The following EXT1 variants were observed in gnomAD, a reference collection of about 807,000 sequenced individuals.
The protein encoded by EXT1 is exostosin-1.
Under a neutral mutation model 82.5 loss-of-function variants are expected in EXT1, and 20 were observed. The ratio of observed to expected loss-of-function variants is 0.24; its 90% CI spans 0.17 to 0.35. The LOEUF is 0.35. EXT1 is among the 10% of genes least tolerant of loss of function. EXT1 has a pLI of 1.00. For missense variants in EXT1, 757 were observed against 936.5 expected, an observed-to-expected ratio of 0.81 and a Z score of 2.50; for synonymous variants, 348 against 350.8, an observed-to-expected ratio of 0.99 and a Z score of 0.09.
At chr8:117,963,154 T>C (rs1368832762) in intron 1 of EXT1, among the ~76,000 whole-genome samples, 1 of 152,116 alleles carries the variant, frequency 6.6e-6, no homozygotes, top group Non-Finnish European at 1.5e-5. Context: ...AGGTGTTGAG[T>C]TTCAGGTTAA....
chr8:117,799,551 T>C lies in EXT1; in HGVS notation c.*161A>G, dbSNP rs1452253381. 9.3e-6 allele frequency: 7 copies of C among 754,908 alleles called. No homozygotes were observed. The highest frequency in any genetic ancestry group is 2.5e-5 in the Admixed American group (1 of 40,366). The allele number at this position is 754,908 out of a possible 1,614,324, so 46.8% of individuals were successfully genotyped here. A position where few individuals can be genotyped will look rare whatever the true frequency, so the allele number is the denominator to read the frequency against. On this transcript the variant is annotated 3_prime_UTR_variant, in exon 11 of 11. Transcript: ENST00000378204. ...CTGGTGCAGTCCCAGGAGCCAGGAG[T>C]TGAGTTCTCATTGGCCTTTTTTTTT...
At chr8:117,906,071 T>A (rs1304368380) in intron 1 of EXT1, among the ~76,000 whole-genome samples, 2 of 152,210 alleles carry the variant, frequency 1.3e-5, no homozygotes, top group African/African-American at 2.4e-5. Flanking sequence ...TGCTTCCTCA[T>A]TCTTTAGTAT....
intron 1 of EXT1, among the ~76,000 whole-genome samples, chr8:117,928,097 C>A (rs1813985484): frequency 1.3e-5 from 2 of 152,180 alleles, no homozygotes; most frequent in Admixed American, 1.3e-4. Flanking sequence ...GGATGGCATA[C>A]CCTTTATCAT....
intron 1 of EXT1, among the ~76,000 whole-genome samples, chr8:118,054,246 G>C (rs1026273608): frequency 6.6e-6 from 1 of 152,176 alleles, no homozygotes; most frequent in African/African-American, 2.4e-5. Flanking sequence ...TAGCTAGGAA[G>C]CCATCTTTCC....
intron 1 of EXT1, among the ~76,000 whole-genome samples, chr8:118,053,135 T>G (rs1816744595): frequency 6.6e-6 from 1 of 152,190 alleles, no homozygotes; most frequent in African/African-American, 2.4e-5. Context: ...TAAAATAATC[T>G]GTTGTAAAAG....
intron 1 of EXT1, among the ~76,000 whole-genome samples, chr8:117,958,553 T>G (rs990484112): frequency 7.2e-5 from 11 of 152,190 alleles, no homozygotes; most frequent in African/African-American, 2.7e-4. Flanking sequence ...GAATCACATC[T>G]AAACTAAAAA....
chr8:118,030,344 A>G (rs74873175), intron 1 of EXT1, among the ~76,000 whole-genome samples: 3,666 of 152,316 alleles, frequency 0.024, 124 homozygotes, highest in African/African-American at 0.084. Context: ...TGACAAATAA[A>G]TAACAGTATT....
chr8:117,798,699 C>T lies in EXT1; in HGVS notation c.*1013G>A, dbSNP rs1052162218. ...TTGGTGTGAATTTCTACCTTATTAC[C>T]CCTTTTTCTTTCTCAAAAGAGAAAC... On this transcript the variant is annotated 3_prime_UTR_variant, in exon 11 of 11. Transcript: ENST00000378204. 1 of 152,116 alleles carries T rather than the reference C, an allele frequency of 6.6e-6. No homozygotes were observed. Among genetic ancestry groups the T allele is most frequent in the Non-Finnish European group, 1.5e-5 (1 of 68,032 alleles). 9.4% of individuals were successfully genotyped at this position (152,116 alleles called of 1,614,324 possible).
rs1812630481 is a variant in EXT1, at chr8:117,858,859, A to AGGAAGGAT, written c.963-21659_963-21658insATCCTTCC. ...AAGGAAGGAAGGAAAGAAAGAAAGA[A>AGGAAGGAT]AGAAAGAAAGAAAGAAAGAAAGAAA... is the stretch of plus-strand genomic sequence containing the variant. On this transcript the variant is annotated intron_variant, in intron 1 of 10. Coordinates refer to ENST00000378204, the MANE Select transcript of EXT1 (RefSeq NM_000127.3). Among the ~76,000 whole-genome samples the AGGAAGGAT allele has an allele frequency of 4.8e-5, 3 of 61,958 alleles. No individual in the cohort carries two copies. In the South Asian group the frequency reaches 1.6e-3, roughly 33 times the overall value. 40.6% of individuals were successfully genotyped at this position (61,958 alleles called of 152,430 possible).
chr8:117,998,359 G>C (rs926179661), intron 1 of EXT1, among the ~76,000 whole-genome samples: 1 of 152,074 alleles, frequency 6.6e-6, no homozygotes, highest in African/African-American at 2.4e-5. Context: ...ACCCAGGCTG[G>C]AGTACAGTGG....
chr8:118,041,461 T>A (rs1586359349), intron 1 of EXT1, among the ~76,000 whole-genome samples: 2 of 151,754 alleles, frequency 1.3e-5, no homozygotes, highest in Non-Finnish European at 2.9e-5. Flanking sequence ...ACAATAGGAG[T>A]AGGGATAATA....
At chr8:117,839,610 C>G (rs1812242320) in intron 1 of EXT1, among the ~76,000 whole-genome samples, 1 of 152,204 alleles carries the variant, frequency 6.6e-6, no homozygotes, top group Admixed American at 6.5e-5. Context: ...GAACCAGCCT[C>G]TCTATTCTAC....
chr8:118,087,078 G>T lies in EXT1; in HGVS notation c.962+23007C>A, dbSNP rs150641961. Among the ~76,000 whole-genome samples, 575 of 152,178 alleles carry T rather than the reference G, an allele frequency of 3.8e-3. 5 individuals carry two copies. The highest frequency in any genetic ancestry group is 0.017 in the Middle Eastern group (5 of 294). On this transcript the variant is annotated intron_variant, in intron 1 of 10. Coordinates refer to ENST00000378204, the MANE Select transcript of EXT1 (RefSeq NM_000127.3). Reference sequence around the variant, plus strand: ...ACACACAACTTCAGAGGATGAATTCGCCACTTCAAGGCTCGTGCCCAGCGC... The same window carrying T: ...ACACACAACTTCAGAGGATGAATTCTCCACTTCAAGGCTCGTGCCCAGCGC...
intron 1 of EXT1, among the ~76,000 whole-genome samples, chr8:117,973,799 GAGAAAGGAAAGGAAAGGAAA>G (rs1814996902): frequency 2.0e-5 from 2 of 98,966 alleles, no homozygotes; most frequent in South Asian, 6.2e-4. Flanking sequence ...GAAAAGAAAA[GAGAAAGGAAAGGAAAGGAAA>G]GGAAAGGAAA....
At chr8:118,054,227 G>GC (rs1388407234) in intron 1 of EXT1, among the ~76,000 whole-genome samples, 1 of 152,082 alleles carries the variant, frequency 6.6e-6, no homozygotes, top group Non-Finnish European at 1.5e-5. Context: ...GAGTATTTGT[G>GC]CCCCAAACTA....
At chr8:117,883,930 G>A (rs1026849434) in intron 1 of EXT1, among the ~76,000 whole-genome samples, 1 of 152,210 alleles carries the variant, frequency 6.6e-6, no homozygotes. Flanking sequence ...AAGGTGCAAA[G>A]TGACTTCTGC....
Position 117,886,567 on chromosome 8 carries a change from G to A in EXT1, c.963-49366C>T, listed in dbSNP as rs28357266. ...TGCCACACTACTCAACTTATGTGAC[G>A]GATGATTCTCCTGCAAGTTGGCTAA... On this transcript the variant is annotated intron_variant, in intron 1 of 10. Coordinates refer to ENST00000378204, the MANE Select transcript of EXT1 (RefSeq NM_000127.3). Among the ~76,000 whole-genome samples, 9 of 152,302 alleles carry A rather than the reference G, an allele frequency of 5.9e-5. No individual in the cohort carries two copies. In the East Asian group the frequency reaches 1.3e-3, roughly 23 times the overall value.
chr8:117,954,396 G>A (rs954901018), intron 1 of EXT1, among the ~76,000 whole-genome samples: 5 of 152,174 alleles, frequency 3.3e-5, no homozygotes, highest in Non-Finnish European at 7.3e-5. Context: ...GCCCCCATAA[G>A]ATGTCCATTT....
chr8:117,910,428 AC>A (rs1289781536), intron 1 of EXT1, among the ~76,000 whole-genome samples: 1 of 152,180 alleles, frequency 6.6e-6, no homozygotes, highest in Non-Finnish European at 1.5e-5. Flanking sequence ...GTGGGATCCA[AC>A]CACAGCTTAC....
Sources: allele counts gnomAD v4.1 joint callset (sites outside exome capture counted in the v4.1 genomes callset), GRCh38; gene constraint gnomAD v4.1.1; transcripts MANE v1.5; gene names NCBI Gene and HGNC (gene_info 2026-07-23, HGNC 2026-07-21).